Variants in SLC27A6 observed in about 807,000 individuals in gnomAD.
The protein encoded by SLC27A6 is solute carrier family 27 member 6.
Under a neutral mutation model 63.9 loss-of-function variants are expected in SLC27A6, and 74 were observed. That is an observed-to-expected ratio of 1.16 (90% CI 0.96 to 1.40). The LOEUF is 1.40. SLC27A6 is among the 40% of genes most tolerant of loss of function. The probability of loss-of-function intolerance (pLI) is 0.00; values close to 1 mark genes in which losing one functional copy is unlikely to be tolerated. For synonymous variants in SLC27A6, 287 were observed against 260.8 expected (o/e 1.10, Z -0.97); for missense variants, 794 against 732.9 (o/e 1.08, Z -0.96).
intron 6 of SLC27A6, among the ~76,000 whole-genome samples, chr5:129,025,550 A>G (rs1438421096): frequency 1.3e-5 from 2 of 152,076 alleles, no homozygotes; most frequent in Non-Finnish European, 2.9e-5. Flanking sequence ...TGAAGATATT[A>G]TCTGGGCCTT....
At position 128,966,402 on chromosome 5, in the gene SLC27A6, A is replaced by G. The variant is rs773135490; in HGVS notation, c.265A>G (p.Ser89Gly). The G allele has an allele frequency of 2.5e-6, 4 of 1,611,588 alleles. No homozygotes were observed. The East Asian group carries it at 6.7e-5, about 27-fold the overall frequency. ...IYTYQDVDKR[S>G]SRVAHVFLNH... is the part of the protein sequence containing the mutation. ...CACCTATCAGGATGTAGACAAAAGG[A>G]GCAGCAGAGTGGCCCATGTCTTCCT... is the stretch of plus-strand genomic sequence containing the variant. The change falls in exon 1 of 10, where the codon AGC (serine) becomes GGC (glycine). Residue 89 changes from serine to glycine, a missense_variant. Physicochemically the swap from Ser to Gly is moderately conservative, Grantham distance 56. Coordinates refer to ENST00000262462, the MANE Select transcript of SLC27A6 (RefSeq NM_001017372.3).
intron 1 of SLC27A6, among the ~76,000 whole-genome samples, chr5:128,972,258 T>A (rs150227474): frequency 2.0e-5 from 3 of 151,962 alleles, no homozygotes; most frequent in African/African-American, 7.2e-5. Context: ...GCTCTTCTTG[T>A]GGAGTATCTT....
At chr5:128,974,967 T>G (rs1750326405) in intron 1 of SLC27A6, among the ~76,000 whole-genome samples, 2 of 152,212 alleles carry the variant, frequency 1.3e-5, no homozygotes, top group African/African-American at 2.4e-5. Context: ...ATAAGGGATC[T>G]CATTTGGATT....
intron 1 of SLC27A6, among the ~76,000 whole-genome samples, chr5:128,976,547 C>T (rs1330449434): frequency 1.3e-5 from 2 of 151,084 alleles, no homozygotes; most frequent in East Asian, 3.9e-4. Context: ...ACAAAAAATC[C>T]AAAAGGGCAT....
At chr5:128,973,298 C>A (rs1750256168) in intron 1 of SLC27A6, among the ~76,000 whole-genome samples, 1 of 152,206 alleles carries the variant, frequency 6.6e-6, no homozygotes, top group Non-Finnish European at 1.5e-5. Flanking sequence ...CCACTGCTCT[C>A]TTCAGAGCTG....
rs1326776153 is a variant in SLC27A6, at chr5:128,990,344, C to T, written c.849C>T (p.Ala283=). The T allele has an allele frequency of 6.2e-6, 10 of 1,612,758 alleles. No homozygotes were observed. Among genetic ancestry groups the T allele is most frequent in the Admixed American group, 1.7e-5 (1 of 59,752 alleles). ...TGTTTTTGTCTTTTCTTATAGGTGC[C>T]ACTTGTGTGTTAAAGAAGAAATTTT... ...LGISGCVELG[A]TCVLKKKFSA... Residue 283 remains alanine (A), a synonymous_variant, in exon 4 of 10, where the codon GCC becomes GCT. Coordinates refer to ENST00000262462, the MANE Select transcript of SLC27A6 (RefSeq NM_001017372.3).
rs1315784659 is a variant in SLC27A6 at position 129,015,739 on chromosome 5, C to G, written c.970-146C>G. 1.1e-5 allele frequency: 6 copies of G among 566,354 alleles called. No homozygotes were observed. The Middle Eastern group carries it at 1.4e-3, about 130-fold the overall frequency. 35.1% of individuals were successfully genotyped at this position (566,354 alleles called of 1,614,324 possible). On this transcript the variant is annotated intron_variant, in intron 4 of 9. Transcript: ENST00000262462. ...CTTTCATTAGGATTTGGACACAGTT[C>G]TGCAATAGACTTATACACATATTTT...
At chr5:129,009,503 C>G (rs866673967) in intron 4 of SLC27A6, among the ~76,000 whole-genome samples, 34 of 152,064 alleles carry the variant, frequency 2.2e-4, no homozygotes, top group African/African-American at 7.5e-4. Flanking sequence ...AAAGAAGTGA[C>G]AATATATAAA....
chr5:129,020,749 C>T lies in SLC27A6; in HGVS notation c.1165-2871C>T, dbSNP rs536356201. Among the ~76,000 whole-genome samples the T allele has an allele frequency of 2.6e-5, 4 of 152,158 alleles. No individual in the cohort carries two copies. The East Asian group carries it at 5.8e-4, about 22-fold the overall frequency. On this transcript the variant is annotated intron_variant, in intron 5 of 9. Transcript: ENST00000262462. ...CCCACAAGACCACTCCCATTTCTGA[C>T]ACAATTTCAGGAGTCCCAAAGACCA... is the stretch of plus-strand genomic sequence containing the variant.
At chr5:129,018,117 CA>C (rs1248789817) in intron 5 of SLC27A6, among the ~76,000 whole-genome samples, 3 of 152,056 alleles carry the variant, frequency 2.0e-5, no homozygotes, top group Admixed American at 6.5e-5. Context: ...TATCCTATAG[CA>C]TTGCTTTTGA....
chr5:129,029,076 A>T (rs1465090716), intron 8 of SLC27A6, among the ~76,000 whole-genome samples: 1 of 152,006 alleles, frequency 6.6e-6, no homozygotes, highest in Non-Finnish European at 1.5e-5. Flanking sequence ...AGTGTTGAAG[A>T]AAGATTCCAG....
chr5:128,987,771 T>TA (rs565882359), intron 2 of SLC27A6, among the ~76,000 whole-genome samples: 317 of 151,922 alleles, frequency 2.1e-3, no homozygotes, highest in African/African-American at 7.1e-3. Flanking sequence ...TCAAGAGTTC[T>TA]AAAAATGAAA....
chr5:128,973,556 C>T lies in SLC27A6; in HGVS notation c.481+6938C>T, dbSNP rs534960717. Among the ~76,000 whole-genome samples, 21 of 152,290 alleles carry T rather than the reference C, an allele frequency of 1.4e-4. No individual in the cohort carries two copies. In the South Asian group the frequency reaches 2.9e-3, roughly 21 times the overall value. On this transcript the variant is annotated intron_variant, in intron 1 of 9. Transcript: ENST00000262462. ...GCTGTGCTAGCAGTGAGCAAGGCTT[C>T]GTGGGTGTGGGACCCACCAAGCCAG... is the stretch of plus-strand genomic sequence containing the variant.
intron 1 of SLC27A6, among the ~76,000 whole-genome samples, chr5:128,973,110 C>T (rs2150127994): frequency 6.6e-6 from 1 of 152,282 alleles, no homozygotes; most frequent in East Asian, 1.9e-4. Flanking sequence ...TGCAGAACAG[C>T]AAATGTTGCT....
At chr5:128,972,332 T>C (rs1750202731) in intron 1 of SLC27A6, among the ~76,000 whole-genome samples, 1 of 152,248 alleles carries the variant, frequency 6.6e-6, no homozygotes, top group African/African-American at 2.4e-5. Context: ...GGGTAAGTTC[T>C]CCTGGATAAT....
At chr5:128,995,273 T>C (rs1751118686) in intron 4 of SLC27A6, among the ~76,000 whole-genome samples, 1 of 152,222 alleles carries the variant, frequency 6.6e-6, no homozygotes, top group Admixed American at 6.5e-5. Flanking sequence ...CAGTTAGCCA[T>C]ATCTAGGGAT....
chr5:128,981,205 C>T (rs1750573511), intron 1 of SLC27A6, among the ~76,000 whole-genome samples: 1 of 152,106 alleles, frequency 6.6e-6, no homozygotes, highest in Admixed American at 6.6e-5. Context: ...TCTGGCTGGG[C>T]GTGGTGGCTC....
chr5:129,029,407 G>C (rs1005075814), intron 8 of SLC27A6, among the ~76,000 whole-genome samples, 170 bp from the exon 9 acceptor site: 20 of 151,904 alleles, frequency 1.3e-4, no homozygotes, highest in Non-Finnish European at 2.5e-4. Context: ...ATGATTTCTA[G>C]GGGGTAAATC....
At chr5:129,018,609 G>T (rs1751981471) in intron 5 of SLC27A6, among the ~76,000 whole-genome samples, 1 of 152,080 alleles carries the variant, frequency 6.6e-6, no homozygotes, top group African/African-American at 2.4e-5. Context: ...AATTTTCTCA[G>T]TTAATTGCAC....
Sources: allele counts gnomAD v4.1 joint callset (sites outside exome capture counted in the v4.1 genomes callset), GRCh38; gene constraint gnomAD v4.1.1; transcripts MANE v1.5; gene names NCBI Gene and HGNC (gene_info 2026-07-23, HGNC 2026-07-21).